Variants in ETS1 observed in about 807,000 individuals in gnomAD.
ETS1 encodes ETS proto-oncogene 1, transcription factor, also known as protein C-ets-1.
A neutral mutation model predicts 58.6 loss-of-function variants in ETS1; 15 were observed. The observed-to-expected ratio is 0.26, with a 90% CI of 0.17 to 0.39. The LOEUF (loss-of-function observed/expected upper bound fraction) is 0.39. Among genes scored for constraint, ETS1 ranks in the 10% least tolerant of loss-of-function variants. ETS1 has a pLI of 1.00. For missense variants in ETS1, 417 were observed against 610.5 expected (o/e 0.68, Z 3.34); for synonymous variants, 214 against 218.2 (o/e 0.98, Z 0.17).
At chr11:128,516,520 C>A (rs1457135005) in intron 3 of ETS1, among the ~76,000 whole-genome samples, 5 of 152,170 alleles carry the variant, frequency 3.3e-5, no homozygotes, top group African/African-American at 7.2e-5. Context: ...CCCAAGCATA[C>A]TAACTCTTCG....
intron 8 of ETS1, among the ~76,000 whole-genome samples, chr11:128,470,045 G>A (rs1862142591): frequency 6.6e-6 from 1 of 152,232 alleles, no homozygotes; most frequent in Admixed American, 6.5e-5. Flanking sequence ...ATTCTGACAG[G>A]TGTTTGGAAA....
chr11:128,580,492 A>C (rs995787114), intron 1 of ETS1, among the ~76,000 whole-genome samples: 2 of 152,154 alleles, frequency 1.3e-5, no homozygotes, highest in South Asian at 4.1e-4. Context: ...AACATTCCTT[A>C]CTCCCCATGG....
intron 3 of ETS1, among the ~76,000 whole-genome samples, chr11:128,528,596 T>C (rs978707258): frequency 1.3e-5 from 2 of 152,214 alleles, no homozygotes; most frequent in Non-Finnish European, 2.9e-5. Context: ...CCATGGTGTT[T>C]AGCTCAAGGT....
intron 3 of ETS1, among the ~76,000 whole-genome samples, chr11:128,535,620 C>T (rs191343600): frequency 6.6e-6 from 1 of 152,256 alleles, no homozygotes; most frequent in East Asian, 1.9e-4. Context: ...TTAAAAACAA[C>T]CAAAGTCAAT....
At chr11:128,562,023 A>C (rs1170623435) in intron 2 of ETS1, among the ~76,000 whole-genome samples, 4 of 152,240 alleles carry the variant, frequency 2.6e-5, no homozygotes, top group Admixed American at 2.6e-4. Context: ...AAGACGTAGG[A>C]GGAAAAACAA....
At chr11:128,545,547 A>G (rs981431881) in intron 3 of ETS1, among the ~76,000 whole-genome samples, 1 of 152,220 alleles carries the variant, frequency 6.6e-6, no homozygotes, top group Non-Finnish European at 1.5e-5. Flanking sequence ...TGTAAAAGCA[A>G]AAGACCACAT....
chr11:128,532,498 G>T (rs766827182), intron 3 of ETS1, among the ~76,000 whole-genome samples: 7 of 152,192 alleles, frequency 4.6e-5, no homozygotes, highest in Non-Finnish European at 8.8e-5. Flanking sequence ...CTGTATCATT[G>T]GGAAAGCAGA....
At chr11:128,522,153 G>A (rs761450417) in intron 3 of ETS1, 20 of 1,314,364 alleles carry the variant, frequency 1.5e-5, no homozygotes, top group Non-Finnish European at 1.8e-5. Context: ...CCCCGCGCCC[G>A]GACGGTGCGC....
At chr11:128,573,203 T>A in intron 1 of ETS1, 59 bp from the exon 2 acceptor site, 1 of 1,276,642 alleles carries the variant, frequency 7.8e-7, no homozygotes, top group Non-Finnish European at 1.1e-6. Flanking sequence ...TGGATTAGAA[T>A]ACACAAGGAA....
intron 3 of ETS1, among the ~76,000 whole-genome samples, chr11:128,522,751 G>A (rs1304771322): frequency 6.6e-6 from 1 of 152,242 alleles, no homozygotes; most frequent in Admixed American, 6.5e-5. Flanking sequence ...TTCCAAGTGC[G>A]TGTACATCAT....
chr11:128,481,424 CAAA>C (rs10707155), intron 7 of ETS1, among the ~76,000 whole-genome samples: 16 of 134,126 alleles, frequency 1.2e-4, no homozygotes, highest in Non-Finnish European at 1.1e-4. Context: ...AGGAGGCTAG[CAAA>C]AAAAAAAAAA....
chr11:128,571,768 C>A (rs1864639220), intron 2 of ETS1: 1 of 152,070 alleles, frequency 6.6e-6, no homozygotes, highest in Non-Finnish European at 1.5e-5. Flanking sequence ...TGCGACTGGG[C>A]TCAGTGCTTC....
intron 5 of ETS1, among the ~76,000 whole-genome samples, 188 bp from the exon 6 acceptor site, chr11:128,486,334 T>C (rs1249439071): frequency 6.6e-6 from 1 of 152,158 alleles, no homozygotes; most frequent in Non-Finnish European, 1.5e-5. Context: ...ATCAAAAAAA[T>C]ATGACTAAGG....
chr11:128,532,619 A>T (rs769644877), intron 3 of ETS1, among the ~76,000 whole-genome samples: 1 of 151,174 alleles, frequency 6.6e-6, no homozygotes, highest in Non-Finnish European at 1.5e-5. Context: ...TGATGGGGAC[A>T]TACTCCAAAA....
chr11:128,501,621 A>G (rs77487459), intron 3 of ETS1, among the ~76,000 whole-genome samples: 15 of 152,324 alleles, frequency 9.8e-5, no homozygotes, highest in Middle Eastern at 3.4e-3. Flanking sequence ...AGCCCCTAAT[A>G]AAAATGTTGA....
intron 3 of ETS1, among the ~76,000 whole-genome samples, chr11:128,497,916 T>C (rs1253546652): frequency 2.7e-5 from 4 of 149,424 alleles, no homozygotes; most frequent in Non-Finnish European, 5.9e-5. Context: ...GTCCTGTAGC[T>C]AAATTTTCTC....
intron 5 of ETS1, 73 bp from the exon 6 acceptor site, chr11:128,486,219 T>G (rs1862628741): frequency 9.9e-6 from 9 of 906,842 alleles, no homozygotes; most frequent in Non-Finnish European, 1.6e-5. Flanking sequence ...GGATCTTGGA[T>G]GCAAAGACCA....
intron 8 of ETS1, among the ~76,000 whole-genome samples, chr11:128,470,693 A>T (rs1353962258): frequency 6.6e-6 from 1 of 152,072 alleles, no homozygotes; most frequent in Non-Finnish European, 1.5e-5. Context: ...AGATGCATTT[A>T]AAAAAAATTG....
intron 3 of ETS1, chr11:128,522,212 T>C (rs896093204): frequency 7.3e-6 from 9 of 1,226,460 alleles, no homozygotes; most frequent in Non-Finnish European, 9.2e-6. Context: ...GTGAGCGCGC[T>C]CGGGTCCCAG....
Sources: allele counts gnomAD v4.1 joint callset (sites outside exome capture counted in the v4.1 genomes callset), GRCh38; gene constraint gnomAD v4.1.1; transcripts MANE v1.5; gene names NCBI Gene and HGNC (gene_info 2026-07-23, HGNC 2026-07-21).